Variants in SEMA3A observed in about 807,000 individuals in gnomAD.
The protein encoded by SEMA3A is semaphorin 3A, also known as semaphorin-3A.
Under a neutral mutation model 97.9 loss-of-function variants are expected in SEMA3A, and 29 were observed. That is an observed-to-expected ratio of 0.30 (90% CI 0.22 to 0.40). The LOEUF is 0.40. Among genes scored for constraint, SEMA3A ranks in the 10% least tolerant of loss-of-function variants. The probability of loss-of-function intolerance (pLI) is 1.00; values close to 1 mark genes in which losing one functional copy is unlikely to be tolerated. For synonymous variants in SEMA3A, 321 were observed against 323.7 expected (o/e 0.99, Z 0.09); for missense variants, 763 against 951.3 (o/e 0.80, Z 2.60).
intron 3 of SEMA3A, among the ~76,000 whole-genome samples, chr7:84,300,535 A>G (rs976137718): frequency 1.3e-5 from 2 of 152,168 alleles, no homozygotes; most frequent in African/African-American, 4.8e-5. Context: ...AGTACTACAC[A>G]TATGGCTTAA....
At chr7:84,326,324 T>C (rs575978409) in intron 2 of SEMA3A, among the ~76,000 whole-genome samples, 2 of 152,266 alleles carry the variant, frequency 1.3e-5, no homozygotes, top group East Asian at 1.9e-4. Flanking sequence ...TTCTATAGTA[T>C]AAAGAGACAA....
At chr7:83,968,803 C>CCTTTTTTTTTTTTTTTTTTTTTTTTTT (rs1562945619) in intron 15 of SEMA3A, among the ~76,000 whole-genome samples, 2 of 123,404 alleles carry the variant, frequency 1.6e-5, no homozygotes, top group Non-Finnish European at 1.7e-5. Context: ...TCTTTTCTTT[C>CCTTTTTTTTTTTTTTTTTTTTTTTTTT]CTTTTTTTTT....
chr7:84,218,974 A>C, intron 3 of SEMA3A, among the ~76,000 whole-genome samples: 1 of 152,152 alleles, frequency 6.6e-6, no homozygotes, highest in East Asian at 1.9e-4. Flanking sequence ...ATTTATTTAC[A>C]AAGGAAATAT....
At chr7:84,265,495 A>T (rs1799968730) in intron 3 of SEMA3A, among the ~76,000 whole-genome samples, 1 of 147,370 alleles carries the variant, frequency 6.8e-6, no homozygotes, top group Non-Finnish European at 1.5e-5. Context: ...AAAATATATT[A>T]TATATCATAT....
At chr7:84,102,166 C>T (rs1207204321) in intron 4 of SEMA3A, among the ~76,000 whole-genome samples, 1 of 151,988 alleles carries the variant, frequency 6.6e-6, no homozygotes, top group Non-Finnish European at 1.5e-5. Context: ...TAGTCTAAGC[C>T]CTATCACCAA....
chr7:84,198,404 G>C (rs983915445), upstream of SEMA3A, among the ~76,000 whole-genome samples: 1 of 151,934 alleles, frequency 6.6e-6, no homozygotes, highest in South Asian at 2.1e-4. Flanking sequence ...TGTTGGTCAG[G>C]CTGGCCAGGT....
intron 1 of SEMA3A, among the ~76,000 whole-genome samples, chr7:84,380,365 T>C (rs1353022618): frequency 1.3e-5 from 2 of 152,128 alleles, no homozygotes; most frequent in Non-Finnish European, 2.9e-5. Flanking sequence ...ATAGCATAAT[T>C]AAAATGAACA....
intron 3 of SEMA3A, among the ~76,000 whole-genome samples, chr7:84,255,796 C>G (rs1308118768): frequency 1.3e-5 from 2 of 150,260 alleles, no homozygotes; most frequent in East Asian, 1.9e-4. Context: ...ACACTCGGCA[C>G]TGATTTTTTT....
chr7:84,444,556 C>CTTTTTT (rs1329494012), intron 1 of SEMA3A, among the ~76,000 whole-genome samples: 1 of 147,818 alleles, frequency 6.8e-6, no homozygotes, highest in Non-Finnish European at 1.5e-5. Context: ...ATTTTCTTTT[C>CTTTTTT]TTTTTTTCTT....
At chr7:84,118,942 A>G (rs1029383425) in intron 3 of SEMA3A, among the ~76,000 whole-genome samples, 2 of 152,174 alleles carry the variant, frequency 1.3e-5, no homozygotes, top group African/African-American at 4.8e-5. Flanking sequence ...ATGAAAAGAT[A>G]TATCTTACAG....
At chr7:84,274,814 T>C (rs1355337481) in intron 3 of SEMA3A, among the ~76,000 whole-genome samples, 1 of 151,958 alleles carries the variant, frequency 6.6e-6, no homozygotes, top group African/African-American at 2.4e-5. Context: ...CTGAAAGCAA[T>C]TGGAACTCCC....
At chr7:84,435,502 G>A (rs972137339) in intron 1 of SEMA3A, among the ~76,000 whole-genome samples, 8 of 152,152 alleles carry the variant, frequency 5.3e-5, no homozygotes, top group African/African-American at 1.9e-4. Flanking sequence ...CAGCTACTCG[G>A]GTGGTTGAGG....
intron 2 of SEMA3A, among the ~76,000 whole-genome samples, chr7:84,317,014 G>T (rs1374874112): frequency 1.3e-5 from 2 of 151,992 alleles, no homozygotes; most frequent in African/African-American, 2.4e-5. Context: ...CTATTAGCTG[G>T]TACCCATCAT....
intron 1 of SEMA3A, among the ~76,000 whole-genome samples, 191 bp downstream of exon 1, chr7:84,194,284 G>C (rs1798143468): frequency 6.6e-6 from 1 of 151,990 alleles, no homozygotes; most frequent in Admixed American, 6.6e-5. Context: ...CATTTAAGTT[G>C]TCATATATCA....
intron 2 of SEMA3A, among the ~76,000 whole-genome samples, chr7:84,130,457 T>C (rs1015985547): frequency 4.6e-5 from 7 of 152,238 alleles, no homozygotes; most frequent in Non-Finnish European, 8.8e-5. Context: ...ATTTTTAACA[T>C]TAAGTTCTAA....
At chr7:84,424,788 TATAA>T (rs1291040381) in intron 1 of SEMA3A, among the ~76,000 whole-genome samples, 4 of 101,506 alleles carry the variant, frequency 3.9e-5, no homozygotes. Context: ...AATATTTATA[TATAA>T]ATAATTTATA....
intron 4 of SEMA3A, among the ~76,000 whole-genome samples, chr7:84,063,160 C>A (rs1227224321): frequency 6.6e-6 from 1 of 151,862 alleles, no homozygotes; most frequent in Non-Finnish European, 1.5e-5. Context: ...CAGGGGCACA[C>A]TGACACCTCA....
intron 4 of SEMA3A, among the ~76,000 whole-genome samples, chr7:84,072,462 G>A (rs900646732): frequency 3.3e-5 from 5 of 152,034 alleles, no homozygotes; most frequent in African/African-American, 9.7e-5. Flanking sequence ...GTAGGCAAGC[G>A]GAGGAGGAAA....
rs1805920187 is a variant in SEMA3A, at chr7:84,463,628, T to C, written c.-246+28832A>G. On this transcript the variant is annotated intron_variant, in intron 1 of 3. Coordinates refer to the SEMA3A transcript ENST00000424555. ...AAAACTCGTTTCTGAAGCTTCTTAT[T>C]GCATTCTTGTCAGTGTTAGAATTTG... Among the ~76,000 whole-genome samples, 4 of 152,242 alleles carry C rather than the reference T, an allele frequency of 2.6e-5. No homozygotes were observed. The South Asian group carries it at 8.3e-4, about 32-fold the overall frequency.
Sources: allele counts gnomAD v4.1 joint callset (sites outside exome capture counted in the v4.1 genomes callset), GRCh38; gene constraint gnomAD v4.1.1; transcripts MANE v1.5; gene names NCBI Gene and HGNC (gene_info 2026-07-23, HGNC 2026-07-21).